Variants in CSF2RA observed in about 807,000 individuals in gnomAD.
CSF2RA encodes the protein colony stimulating factor 2 receptor subunit alpha, also known as granulocyte-macrophage colony-stimulating factor receptor subunit alpha.
CSF2RA carries 42 observed loss-of-function variants against 51.6 expected under a neutral mutation model. That is an observed-to-expected ratio of 0.81 (90% CI 0.64 to 1.05). The LOEUF (loss-of-function observed/expected upper bound fraction) is 1.05, where lower values mean the gene tolerates loss of function less well. Ranked by LOEUF, CSF2RA falls within the 50% of genes least tolerant of loss-of-function variation. CSF2RA has a pLI of 0.00. For synonymous variants in CSF2RA, 222 were observed against 193.0 expected, an observed-to-expected ratio of 1.15 and a Z score of -1.24; for missense variants, 530 against 501.1, an observed-to-expected ratio of 1.06 and a Z score of -0.55.
intron 4 of CSF2RA, among the ~76,000 whole-genome samples, 194 bp downstream of exon 4, chrX:1,286,114 A>C (rs1463663884): frequency 1.3e-5 from 2 of 151,834 alleles, no homozygotes; most frequent in Admixed American, 6.6e-5. Context: ...CTCTACTACA[A>C]ATACAAAATT....
At chrX:1,305,634 C>T (rs533704795) in intron 12 of CSF2RA, 107 bp downstream of exon 12, 4 of 1,612,922 alleles carry the variant, frequency 2.5e-6, no homozygotes, top group Middle Eastern at 3.3e-4. Flanking sequence ...CCAGATGGGA[C>T]CGCAGCGTCA....
rs867481992 is a variant in CSF2RA at position 1,307,860 on chromosome X, G to A, written c.1126-1542G>A. On this transcript the variant is annotated intron_variant, in intron 12 of 12. Transcript: ENST00000381529. ...TTTAGACCTTTGACTGATTAGATGA[G>A]GCCTACCCTTCTCCCTTTAGACCTT... Among the ~76,000 whole-genome samples the A allele has an allele frequency of 2.9e-5, 4 of 138,034 alleles. 1 individual carries two copies. The highest frequency in any genetic ancestry group is 2.2e-4 in the East Asian group (1 of 4,636). The allele number at this position is 138,034 out of a possible 152,430, so 90.6% of individuals were successfully genotyped here. A position where few individuals can be genotyped will look rare whatever the true frequency, so the allele number is the denominator to read the frequency against.
Position 1,300,692 on chromosome X carries a change from G to A in CSF2RA, c.946+66G>A, listed in dbSNP as rs1321161550. The A allele has an allele frequency of 5.6e-6, 9 of 1,605,368 alleles. No homozygotes were observed. The East Asian group carries it at 2.0e-4, about 36-fold the overall frequency. ...CGGCCACCCTGCAGCAGGCACAGAG[G>A]TCAGGTGCTCTGTCCTGGGCGCTGA... is the stretch of plus-strand genomic sequence containing the variant. On this transcript the variant is annotated intron_variant, in intron 10 of 12. Transcript: ENST00000381529.
intron 3 of CSF2RA, among the ~76,000 whole-genome samples, chrX:1,283,239 C>T (rs1327495633): frequency 6.9e-6 from 1 of 145,210 alleles, no homozygotes; most frequent in Non-Finnish European, 1.5e-5. Context: ...CTCTTTCCAT[C>T]CTTCCTTCTC....
At chrX:1,323,162 A>AAATAAAATAAAATAAAATAAAAT in the CSF2RA span, among the ~76,000 whole-genome samples, 2 of 144,306 alleles carry the variant, frequency 1.4e-5, no homozygotes, top group Non-Finnish European at 3.0e-5. Context: ...TACAATTATA[A>AAATAAAATAAAATAAAATAAAAT]AATAAAATAA....
chrX:1,284,195 C>CTCTTTTTTTTTTTTTTTTTTTTTTT lies in CSF2RA; in HGVS notation c.76+1417_76+1418insCTTTTTTTTTTTTTTTTTTTTTTTT, dbSNP rs1443798206. On this transcript the variant is annotated intron_variant, in intron 3 of 12. Transcript: ENST00000381529. ...CAAGCGGTTTTCTTTCTCTGTCTCT[C>CTCTTTTTTTTTTTTTTTTTTTTTTT]TTTTTTTTTTTTTTTTTTTTTTTTT... Among the ~76,000 whole-genome samples, 2 of 91,750 alleles carry CTCTTTTTTTTTTTTTTTTTTTTTTT rather than the reference C, an allele frequency of 2.2e-5. 1 individual carries two copies. Among genetic ancestry groups the CTCTTTTTTTTTTTTTTTTTTTTTTT allele is most frequent in the African/African-American group, 7.9e-5 (2 of 25,370 alleles). The allele number at this position is 91,750 out of a possible 152,430, so 60.2% of individuals were successfully genotyped here.
At chrX:1,285,561 G>A (rs1389923639) in intron 3 of CSF2RA, 9 of 618,814 alleles carry the variant, frequency 1.5e-5, no homozygotes, top group Non-Finnish European at 2.5e-5. Context: ...TGGGCATGGT[G>A]GTCGGCGCCT....
chrX:1,310,667 C>CA (rs542174861), downstream of CSF2RA, among the ~76,000 whole-genome samples: 10,267 of 121,384 alleles, frequency 0.085, 1,121 homozygotes, highest in African/African-American at 0.26. Context: ...GACTCCATCT[C>CA]AAAAAAAAAA....
chrX:1,294,497 G>A (rs765980749), intron 8 of CSF2RA, 36 bp downstream of exon 8: 2 of 1,613,178 alleles, frequency 1.2e-6, no homozygotes, highest in South Asian at 2.2e-5. Flanking sequence ...GCACCAGGAG[G>A]GAGGCGTACG....
Position 1,288,521 on chromosome X carries a change from C to T in CSF2RA, c.222C>T (p.Leu74=), listed in dbSNP as rs375369830. The T allele has an allele frequency of 1.6e-5, 26 of 1,613,736 alleles. No homozygotes were observed. Among genetic ancestry groups the T allele is most frequent in the African/African-American group, 4.0e-5 (3 of 74,874 alleles). ...DKKNRVVEPR[L]SNNECSCTFR... is the part of the protein sequence containing the mutation. ...TCTGTCTGGTTGCAATTCTTCAGCTCAGTAACAACGAATGTTCGTGCACAT... is the reference window on the plus strand; with the variant it reads ...TCTGTCTGGTTGCAATTCTTCAGCTTAGTAACAACGAATGTTCGTGCACAT... Residue 74 remains leucine (L), a splice_region_variant and synonymous_variant, in exon 5 of 13, where the codon CTC becomes CTT. Coordinates refer to ENST00000381529, the MANE Select transcript of CSF2RA (RefSeq NM_172245.4).
intron 10 of CSF2RA, chrX:1,302,797 G>A (rs1325314994): frequency 1.6e-5 from 5 of 321,892 alleles, no homozygotes; most frequent in East Asian, 4.7e-5. Context: ...AGGCTCAAGC[G>A]ATTCTCCTGC....
At chrX:1,309,352 C>T (rs1213337635) in intron 12 of CSF2RA, 50 bp from the exon 13 acceptor site, 2 of 1,563,116 alleles carry the variant, frequency 1.3e-6, no homozygotes, top group Non-Finnish European at 1.8e-6. Flanking sequence ...CCACTGAGTC[C>T]CAGGCTGAGC....
downstream of CSF2RA, among the ~76,000 whole-genome samples, chrX:1,312,370 A>G (rs184151624): frequency 6.6e-6 from 1 of 152,312 alleles, no homozygotes; most frequent in East Asian, 1.9e-4. Context: ...CAGCATGCTT[A>G]TCCAGGTAAG....
At chrX:1,324,425 AAAG>A in the CSF2RA span, among the ~76,000 whole-genome samples, 1 of 134,634 alleles carries the variant, frequency 7.4e-6, no homozygotes, top group East Asian at 2.3e-4. Context: ...AAAGAAAAAG[AAAG>A]AAGAGAGAGA....
intron 6 of CSF2RA, 54 bp from the exon 7 acceptor site, chrX:1,290,283 T>G: frequency 7.1e-7 from 1 of 1,410,022 alleles, no homozygotes; most frequent in South Asian, 1.2e-5. Context: ...TTTTGTGTTT[T>G]TGTGTTTTGT....
chrX:1,294,622 G>A (rs1162749771), intron 8 of CSF2RA, among the ~76,000 whole-genome samples, 161 bp downstream of exon 8: 3 of 152,172 alleles, frequency 2.0e-5, no homozygotes, highest in African/African-American at 7.2e-5. Flanking sequence ...AGGAAGAGGT[G>A]AAGGGTCTGT....
intron 2 of CSF2RA, among the ~76,000 whole-genome samples, chrX:1,278,907 G>A (rs1346397747): frequency 3.3e-5 from 5 of 149,874 alleles, no homozygotes; most frequent in African/African-American, 1.2e-4. Context: ...GCGTGTTGGT[G>A]CGTGCCTGTA....
At chrX:1,321,457 A>G in the CSF2RA span, among the ~76,000 whole-genome samples, 1 of 151,556 alleles carries the variant, frequency 6.6e-6, no homozygotes, top group Non-Finnish European at 1.5e-5. Flanking sequence ...TGACAGAGTG[A>G]GACTCCATCT....
intron 3 of CSF2RA, among the ~76,000 whole-genome samples, chrX:1,284,832 T>G (rs1312254512): frequency 2.6e-5 from 4 of 151,772 alleles, no homozygotes; most frequent in African/African-American, 9.7e-5. Context: ...GTCCACCTAA[T>G]TTTTTTGTAT....
Sources: gnomAD v4.1 joint callset for allele counts (sites outside exome capture counted in the v4.1 genomes callset) on GRCh38, gnomAD v4.1.1 for gene constraint, MANE v1.5 for transcripts, NCBI Gene and HGNC (gene_info 2026-07-23, HGNC 2026-07-21) for gene names.